CEP89: variants seen among roughly 807,000 people sequenced by gnomAD.
CEP89 encodes the protein centrosomal protein of 89 kDa.
Under a neutral mutation model 97.6 loss-of-function variants are expected in CEP89, and 95 were observed. That is an observed-to-expected ratio of 0.97 (90% CI 0.82 to 1.15). The LOEUF (loss-of-function observed/expected upper bound fraction) is 1.15, where lower values mean the gene tolerates loss of function less well. Among genes scored for constraint, CEP89 ranks in the 50% most tolerant of loss-of-function variants. The pLI, the probability that CEP89 is intolerant of heterozygous loss-of-function variation, is 0.00. For synonymous variants in CEP89, 354 were observed against 349.1 expected (o/e 1.01, Z -0.16); for missense variants, 869 against 947.7 (o/e 0.92, Z 1.09).
At chr19:32,952,616 A>G (rs913027900) in intron 4 of CEP89, among the ~76,000 whole-genome samples, 4 of 152,124 alleles carry the variant, frequency 2.6e-5, no homozygotes, top group Non-Finnish European at 5.9e-5. Context: ...GAAAAAAAGA[A>G]AAAGGGGCTA....
intron 8 of CEP89, among the ~76,000 whole-genome samples, chr19:32,932,580 G>T (rs1599753805): frequency 6.6e-6 from 1 of 151,964 alleles, no homozygotes; most frequent in African/African-American, 2.4e-5. Context: ...ATGACAAAGG[G>T]ATAAAATCTT....
At chr19:32,954,066 G>A (rs865939142) in intron 3 of CEP89, among the ~76,000 whole-genome samples, 16 of 151,828 alleles carry the variant, frequency 1.1e-4, no homozygotes, top group Middle Eastern at 3.2e-3. Flanking sequence ...GTACAGATGG[G>A]GTTTCACCCT....
intron 7 of CEP89, 170 bp downstream of exon 7, chr19:32,937,461 T>C: frequency 4.9e-6 from 3 of 609,714 alleles, no homozygotes; most frequent in Non-Finnish European, 8.8e-6. Context: ...ACATCCTGTA[T>C]GGACATACGT....
In CEP89 at chr19:32,901,849, T is replaced by G. The variant is rs189844838; in HGVS notation, c.1566-437A>C. On this transcript the variant is annotated intron_variant, in intron 14 of 18. Coordinates refer to ENST00000305768, the MANE Select transcript of CEP89 (RefSeq NM_032816.5). ...TATGTTGCCCAGGCTGGTTTCGAGCTCTTGGGCTCAAGTGATCCTCCTGCC... is the reference window on the plus strand; with the variant it reads ...TATGTTGCCCAGGCTGGTTTCGAGCGCTTGGGCTCAAGTGATCCTCCTGCC... Among the ~76,000 whole-genome samples, 14 of 152,318 alleles carry G rather than the reference T, an allele frequency of 9.2e-5. No individual in the cohort carries two copies. In the East Asian group the frequency reaches 2.7e-3, roughly 29 times the overall value.
rs368496434 is a variant in CEP89 at position 32,922,248 on chromosome 19, C to T, written c.1268+1191G>A. ...CATGTGTTTAAGGCTACATCAGAAC[C>T]GGAGACAAAGGGGCCGGGTGCAGTG... On this transcript the variant is annotated intron_variant, in intron 12 of 18. Transcript: ENST00000305768. 6.6e-5 allele frequency among the ~76,000 whole-genome samples: 10 copies of T among 152,194 alleles called. No homozygotes were observed. In the South Asian group the frequency reaches 1.5e-3, roughly 22 times the overall value.
rs10423265 is a variant in CEP89, at chr19:32,879,406, A to T, written c.2136-28T>A. 3.7e-4 allele frequency: 576 copies of T among 1,562,364 alleles called. No individual in the cohort carries two copies. The African/African-American group carries it at 7.2e-3, about 20-fold the overall frequency. On this transcript the variant is annotated intron_variant, in intron 18 of 18. Coordinates refer to ENST00000305768, the MANE Select transcript of CEP89 (RefSeq NM_032816.5). Reference sequence around the variant, plus strand: ...GAGGGAAATAAGTTTAAAATGGCACAATTTTAAAAATAATATAGAGCCCAT... The same window carrying T: ...GAGGGAAATAAGTTTAAAATGGCACTATTTTAAAAATAATATAGAGCCCAT...
chr19:32,914,998 G>C (rs563105703), intron 14 of CEP89, among the ~76,000 whole-genome samples: 13 of 151,856 alleles, frequency 8.6e-5, no homozygotes, highest in Non-Finnish European at 7.4e-5. Flanking sequence ...TCTAGCCTGC[G>C]CAACAGAGTG....
chr19:32,888,639 C>T (rs1392700737), intron 16 of CEP89, among the ~76,000 whole-genome samples: 14 of 150,032 alleles, frequency 9.3e-5, no homozygotes, highest in Non-Finnish European at 5.9e-5. Context: ...GCTGAGATCG[C>T]GCCACCGCAC....
intron 14 of CEP89, among the ~76,000 whole-genome samples, chr19:32,902,026 G>GTGTGTGTA (rs917495252): frequency 2.6e-5 from 4 of 151,122 alleles, no homozygotes; most frequent in Non-Finnish European, 4.4e-5. Context: ...GTGTGTGTGT[G>GTGTGTGTA]TGTGTGTGTG....
At chr19:32,879,693 C>T (rs753568753) in intron 18 of CEP89, among the ~76,000 whole-genome samples, 7 of 152,194 alleles carry the variant, frequency 4.6e-5, no homozygotes, top group Admixed American at 2.0e-4. Flanking sequence ...CAGTGCAATC[C>T]CTGTTTTCTC....
chr19:32,960,977 G>T (rs1367692786), intron 2 of CEP89, among the ~76,000 whole-genome samples: 1 of 152,140 alleles, frequency 6.6e-6, no homozygotes, highest in Non-Finnish European at 1.5e-5. Flanking sequence ...GGAAAGGAGA[G>T]AACTGCACAG....
intron 5 of CEP89, among the ~76,000 whole-genome samples, chr19:32,946,725 A>C (rs1342735770): frequency 6.6e-6 from 1 of 152,072 alleles, no homozygotes. Context: ...TGGTTTTATA[A>C]GGGGAAACCC....
At chr19:32,916,236 C>T (rs1970124310) in intron 13 of CEP89, among the ~76,000 whole-genome samples, 1 of 152,152 alleles carries the variant, frequency 6.6e-6, no homozygotes, top group Non-Finnish European at 1.5e-5. Flanking sequence ...CGTGACTGGG[C>T]CACTGCACTC....
At chr19:32,949,294 G>A (rs936474227) in intron 4 of CEP89, among the ~76,000 whole-genome samples, 6 of 152,210 alleles carry the variant, frequency 3.9e-5, no homozygotes, top group African/African-American at 1.4e-4. Flanking sequence ...GGGACCTGCC[G>A]CTGATGAGGA....
chr19:32,952,721 T>G (rs1568577493), intron 4 of CEP89, among the ~76,000 whole-genome samples: 2 of 151,232 alleles, frequency 1.3e-5, no homozygotes, highest in Admixed American at 1.3e-4. Flanking sequence ...CTAGGCAACA[T>G]GGAGAAACCC....
intron 16 of CEP89, among the ~76,000 whole-genome samples, 191 bp from the exon 17 acceptor site, chr19:32,888,032 G>A (rs1351006105): frequency 1.3e-5 from 2 of 152,212 alleles, no homozygotes. Context: ...GGCAGGAACA[G>A]GGCATGTGGG....
chr19:32,928,388 T>A (rs943775065), intron 9 of CEP89, among the ~76,000 whole-genome samples: 4 of 152,040 alleles, frequency 2.6e-5, no homozygotes, highest in Admixed American at 6.5e-5. Flanking sequence ...TCTCTCTCTC[T>A]TTTTCTTTCA....
chr19:32,923,789 G>A (rs1169736373), intron 11 of CEP89, among the ~76,000 whole-genome samples: 2 of 152,086 alleles, frequency 1.3e-5, no homozygotes, highest in East Asian at 1.9e-4. Flanking sequence ...CTGGGCTTTC[G>A]AGTATTAGAT....
chr19:32,961,892 C>T (rs542902183), intron 2 of CEP89, among the ~76,000 whole-genome samples: 37 of 152,186 alleles, frequency 2.4e-4, no homozygotes, highest in African/African-American at 8.7e-4. Flanking sequence ...AATCCTCCTG[C>T]CTCAGTCTCC....
Sources: allele counts gnomAD v4.1 joint callset (sites outside exome capture counted in the v4.1 genomes callset), GRCh38; gene constraint gnomAD v4.1.1; transcripts MANE v1.5; gene names NCBI Gene and HGNC (gene_info 2026-07-23, HGNC 2026-07-21).